The following LRIG1 variants were observed in gnomAD, a reference collection of about 807,000 sequenced individuals.
The protein encoded by LRIG1 is leucine-rich repeats and immunoglobulin-like domains protein 1.
In LRIG1, 48 loss-of-function variants were observed where a neutral mutation model predicts 99.2. That is an observed-to-expected ratio of 0.48 (90% confidence interval 0.38 to 0.62). The LOEUF (loss-of-function observed/expected upper bound fraction) is 0.62. Ranked by LOEUF, LRIG1 falls within the 20% of genes least tolerant of loss-of-function variation. LRIG1 has a pLI of 0.00. For missense variants in LRIG1, 1,646 were observed against 1,434.4 expected (o/e 1.15, Z -2.38); for synonymous variants, 772 against 596.1 (o/e 1.29, Z -4.30).
At chr3:66,463,276 T>C (rs1700398099) in intron 1 of LRIG1, among the ~76,000 whole-genome samples, 1 of 152,200 alleles carries the variant, frequency 6.6e-6, no homozygotes, top group Non-Finnish European at 1.5e-5. Context: ...ATCATAAGGC[T>C]ACTTATGAAC....
chr3:66,401,570 G>A, intron 9 of LRIG1: 1 of 1,339,104 alleles, frequency 7.5e-7, no homozygotes. Context: ...ATTATGCAGG[G>A]GCTAATCATC....
intron 3 of LRIG1, among the ~76,000 whole-genome samples, chr3:66,440,100 A>C (rs1023612595): frequency 1.3e-5 from 2 of 152,144 alleles, no homozygotes; most frequent in African/African-American, 4.8e-5. Flanking sequence ...AGACAAGAGG[A>C]GGAACAATGC....
chr3:66,445,535 T>C (rs953717226), intron 3 of LRIG1, among the ~76,000 whole-genome samples: 1 of 152,086 alleles, frequency 6.6e-6, no homozygotes, highest in South Asian at 2.1e-4. Flanking sequence ...CCACCTCGAC[T>C]GTACACACAC....
At chr3:66,410,961 G>A (rs544628017) in intron 6 of LRIG1, among the ~76,000 whole-genome samples, 44 of 152,340 alleles carry the variant, frequency 2.9e-4, no homozygotes, top group East Asian at 5.8e-4. Context: ...TAGCTCTGGC[G>A]TCAGACTACC....
chr3:66,418,844 G>A (rs78232398), intron 3 of LRIG1, among the ~76,000 whole-genome samples: 4 of 151,944 alleles, frequency 2.6e-5, no homozygotes, highest in East Asian at 1.9e-4. Context: ...CCCTGAACTC[G>A]AAAGTCCATT....
intron 1 of LRIG1, among the ~76,000 whole-genome samples, chr3:66,487,669 C>T (rs1282064815): frequency 1.3e-5 from 2 of 152,038 alleles, no homozygotes; most frequent in Non-Finnish European, 2.9e-5. Flanking sequence ...CGGGAAAGGA[C>T]GAGATGTCAA....
At chr3:66,441,224 G>GA (rs984121697) in intron 3 of LRIG1, among the ~76,000 whole-genome samples, 5 of 151,834 alleles carry the variant, frequency 3.3e-5, no homozygotes, top group African/African-American at 1.2e-4. Flanking sequence ...AAGTTGGGAA[G>GA]AAAAAAAACC....
chr3:66,478,249 T>C (rs79937397), intron 1 of LRIG1, among the ~76,000 whole-genome samples: 136 of 152,330 alleles, frequency 8.9e-4, no homozygotes, highest in African/African-American at 3.2e-3. Flanking sequence ...TTTCAGTGCA[T>C]GTAGGTGGTC....
chr3:66,396,565 A>G (rs1701859105), intron 11 of LRIG1, among the ~76,000 whole-genome samples: 1 of 152,198 alleles, frequency 6.6e-6, no homozygotes. Context: ...AGCGAGGTAT[A>G]TGCAGCAACG....
In LRIG1 at chr3:66,419,066, C is replaced by T. The variant is rs534894854; in HGVS notation, c.366-1800G>A. ...GAAGAAAAGAAACAAGAAATAAAGG[C>T]GACAGAGCTGAGTCTTATCCGGGAA... is the stretch of plus-strand genomic sequence containing the variant. On this transcript the variant is annotated intron_variant, in intron 3 of 18. Transcript: ENST00000273261. 8.5e-4 allele frequency among the ~76,000 whole-genome samples: 130 copies of T among 152,298 alleles called. No homozygotes were observed. The South Asian group carries it at 9.3e-3, about 11-fold the overall frequency.
At chr3:66,497,997 G>A (rs1701266926) in intron 1 of LRIG1, 2 of 152,074 alleles carry the variant, frequency 1.3e-5, no homozygotes, top group African/African-American at 4.8e-5. Context: ...TAAGACTCAC[G>A]GAGACTAATG....
intron 9 of LRIG1, chr3:66,401,668 C>T: frequency 2.0e-6 from 3 of 1,528,988 alleles, no homozygotes; most frequent in Non-Finnish European, 2.6e-6. Flanking sequence ...ACTGGGATGG[C>T]TCTAATAAAA....
intron 3 of LRIG1, among the ~76,000 whole-genome samples, chr3:66,425,803 A>G (rs1702963906): frequency 6.6e-6 from 1 of 152,246 alleles, no homozygotes; most frequent in Non-Finnish European, 1.5e-5. Flanking sequence ...AACTTAATAC[A>G]GCAGAAGTCT....
At chr3:66,406,007 C>A in intron 8 of LRIG1, 8 of 989,888 alleles carry the variant, frequency 8.1e-6, no homozygotes, top group Non-Finnish European at 9.6e-6. Context: ...GGCCCCCATC[C>A]TGCCCTCTCC....
rs1188246390 is a variant in LRIG1, at chr3:66,463,108, G to A, written c.219-599C>T. 2.6e-5 allele frequency among the ~76,000 whole-genome samples: 4 copies of A among 152,132 alleles called. No individual in the cohort carries two copies. The East Asian group carries it at 7.7e-4, about 29-fold the overall frequency. On this transcript the variant is annotated intron_variant, in intron 1 of 18. Coordinates refer to ENST00000273261, the MANE Select transcript of LRIG1 (RefSeq NM_015541.3). ...GCTGTTAAATATCTTACAATGCACA[G>A]GCAGCCCTGCACGACTGAGAACTGC...
intron 12 of LRIG1, among the ~76,000 whole-genome samples, chr3:66,388,816 G>A (rs1091584): frequency 0.68 from 103,387 of 152,124 alleles, 36,182 homozygotes; most frequent in African/African-American, 0.85. Context: ...AACACACACA[G>A]AGCAAGTTGA....
At chr3:66,435,100 CTG>C (rs940357627) in intron 3 of LRIG1, among the ~76,000 whole-genome samples, 3 of 152,162 alleles carry the variant, frequency 2.0e-5, no homozygotes, top group African/African-American at 7.2e-5. Flanking sequence ...GAATACAACT[CTG>C]TGATTAAAAA....
At chr3:66,456,295 C>T (rs1006242610) in intron 2 of LRIG1, among the ~76,000 whole-genome samples, 3 of 152,136 alleles carry the variant, frequency 2.0e-5, no homozygotes, top group African/African-American at 7.2e-5. Flanking sequence ...TAAGAGATGG[C>T]AGGAGGACCA....
intron 11 of LRIG1, among the ~76,000 whole-genome samples, chr3:66,395,580 C>G (rs1701813918): frequency 6.6e-6 from 1 of 152,162 alleles, no homozygotes; most frequent in Admixed American, 6.5e-5. Context: ...GGATGCTGGC[C>G]CATATTAGAT....
Sources: gnomAD v4.1 joint callset for allele counts (sites outside exome capture counted in the v4.1 genomes callset) on GRCh38, gnomAD v4.1.1 for gene constraint, MANE v1.5 for transcripts, NCBI Gene and HGNC (gene_info 2026-07-23, HGNC 2026-07-21) for gene names.